FYCO1: variants seen among roughly 807,000 people sequenced by gnomAD.
The protein encoded by FYCO1 is FYVE and coiled-coil domain-containing protein 1.
A neutral mutation model predicts 165.1 loss-of-function variants in FYCO1; 122 were observed. The ratio of observed to expected loss-of-function variants is 0.74; its 90% CI spans 0.64 to 0.86. The LOEUF (loss-of-function observed/expected upper bound fraction) is 0.86. FYCO1 is among the 40% of genes least tolerant of loss of function. The probability of loss-of-function intolerance (pLI) is 0.00; values close to 1 mark genes in which losing one functional copy is unlikely to be tolerated. For synonymous variants in FYCO1, 648 were observed against 742.5 expected (o/e 0.87, Z 2.07); for missense variants, 1,702 against 1,810.3 (o/e 0.94, Z 1.09).
chr3:45,984,097 T>C (rs1707192782), intron 2 of FYCO1, among the ~76,000 whole-genome samples: 1 of 152,170 alleles, frequency 6.6e-6, no homozygotes, highest in African/African-American at 2.4e-5. Context: ...AGCTTCAGAC[T>C]GTGTAGTATC....
At position 45,962,653 on chromosome 3, in the gene FYCO1, T is replaced by C. The variant is rs1705772351; in HGVS notation, c.3270-261A>G. Among the ~76,000 whole-genome samples, 1 of 152,168 alleles carries C rather than the reference T, an allele frequency of 6.6e-6. No individual in the cohort carries two copies. Among genetic ancestry groups the C allele is most frequent in the South Asian group, 2.1e-4 (1 of 4,826 alleles). ...CTAAGTGAATAGAACTCTGCACCCC[T>C]TGGCTCCTGGACAGGGGCTGGGCTT... On this transcript the variant is annotated intron_variant, in intron 10 of 17. Coordinates refer to ENST00000296137, the MANE Select transcript of FYCO1 (RefSeq NM_024513.4). The surrounding 1 kb of genome is among the most constrained non-coding windows in gnomAD (Gnocchi z 4.4).
At chr3:45,954,333 A>G (rs1705196293) in intron 14 of FYCO1, among the ~76,000 whole-genome samples, 2 of 152,102 alleles carry the variant, frequency 1.3e-5, no homozygotes, top group Non-Finnish European at 2.9e-5. Flanking sequence ...AAAAGACTGG[A>G]CACCCCTGCT....
chr3:45,987,631 G>A (rs11130083), intron 1 of FYCO1, among the ~76,000 whole-genome samples: 4,017 of 152,324 alleles, frequency 0.026, 165 homozygotes, highest in African/African-American at 0.091. Flanking sequence ...TGCAGTCTCT[G>A]AGAGAAATAA....
chr3:45,935,080 G>A (rs1164561808), intron 15 of FYCO1, among the ~76,000 whole-genome samples: 2 of 152,120 alleles, frequency 1.3e-5, no homozygotes, highest in African/African-American at 4.8e-5. Flanking sequence ...GTCACCTGAG[G>A]ACTGGTGGAA....
intron 15 of FYCO1, among the ~76,000 whole-genome samples, chr3:45,935,869 C>T (rs1703861817): frequency 6.6e-6 from 1 of 152,180 alleles, no homozygotes; most frequent in Non-Finnish European, 1.5e-5. Context: ...TAATAAATAT[C>T]TGTGAATGAG....
intron 4 of FYCO1, among the ~76,000 whole-genome samples, chr3:45,977,380 TATATATATATATATATATATATATATAA>T (rs1298171824): frequency 3.8e-5 from 1 of 26,368 alleles, no homozygotes; most frequent in African/African-American, 1.1e-4. Context: ...TATATATATA[TATATATATATATATATATATATATATAA>T]AGGGAACTAT....
Position 45,920,869 on chromosome 3 carries a change from AG to A in FYCO1, c.*895del, listed in dbSNP as rs1303125681. The A allele has an allele frequency of 2.0e-5, 3 of 152,692 alleles. No individual in the cohort carries two copies. Among genetic ancestry groups the A allele is most frequent in the African/African-American group, 7.2e-5 (3 of 41,448 alleles). The allele number at this position is 152,692 out of a possible 1,614,324, so 9.5% of individuals were successfully genotyped here. ...AGAAGCTCTTATTTATATAAACAAA[AG>A]TGGGCCATCAGCTGAGGAGTAGCTC... On this transcript the variant is annotated 3_prime_UTR_variant, in exon 18 of 18. Coordinates refer to ENST00000296137, the MANE Select transcript of FYCO1 (RefSeq NM_024513.4).
intron 10 of FYCO1, among the ~76,000 whole-genome samples, chr3:45,963,681 C>G (rs1705828961): frequency 6.6e-6 from 1 of 152,252 alleles, no homozygotes; most frequent in African/African-American, 2.4e-5. Context: ...CCTGTTACAT[C>G]TTTTCTTAAT....
chr3:45,981,970 T>C (rs1247873250), intron 2 of FYCO1, among the ~76,000 whole-genome samples: 1 of 152,230 alleles, frequency 6.6e-6, no homozygotes. Context: ...CAACAAATGT[T>C]TGCTGTGTGG....
chr3:45,957,304 G>A (rs1250612203), intron 13 of FYCO1, among the ~76,000 whole-genome samples: 1 of 152,160 alleles, frequency 6.6e-6, no homozygotes, highest in Non-Finnish European at 1.5e-5. Context: ...ACTTCTAAGC[G>A]ACAACAGAAG....
In FYCO1 at chr3:45,936,321, G is replaced by A. The variant is rs1575333950; in HGVS notation, c.4040+127C>T. On this transcript the variant is annotated intron_variant, in intron 15 of 17. Transcript: ENST00000296137. ...TATATAAGCTATGCCTGAAAAAAAA[G>A]AATAAACGAAGCCCCACTGGTATTA... 6 of 549,592 alleles carry A rather than the reference G, an allele frequency of 1.1e-5. No homozygotes were observed. The South Asian group carries it at 1.3e-4, about 12-fold the overall frequency. 34.0% of individuals were successfully genotyped at this position (549,592 alleles called of 1,614,324 possible). A position where few individuals can be genotyped will look rare whatever the true frequency, so the allele number is the denominator to read the frequency against.
chr3:45,959,504 T>A lies in FYCO1; in HGVS notation c.3476A>T (p.Glu1159Val). The A allele has an allele frequency of 1.2e-6, 2 of 1,614,190 alleles. No individual in the cohort carries two copies. The highest frequency in any genetic ancestry group is 1.7e-6 in the Non-Finnish European group (2 of 1,180,034). The change falls in exon 12 of 18, where the codon GAA (glutamate) becomes GTA (valine). Residue 1159 changes from glutamate (E) to valine (V), a missense_variant. Glu to Val is a moderately radical substitution (Grantham distance 121). Transcript: ENST00000296137. ...CTCAGCACTGAGCTTCTGCTGGAAT[T>A]CCAGGGCATCTGACTTCTGCCAGAG... ...DALWQKSDAL[E>V]FQQKLSAEER...
In FYCO1 at chr3:45,921,420, C is replaced by T. The variant is rs1703086187; in HGVS notation, c.*345G>A. 5 of 355,214 alleles carry T rather than the reference C, an allele frequency of 1.4e-5. No homozygotes were observed. The highest frequency in any genetic ancestry group is 2.7e-5 in the Non-Finnish European group (5 of 182,966). 22.0% of individuals were successfully genotyped at this position (355,214 alleles called of 1,614,324 possible). A position where few individuals can be genotyped will look rare whatever the true frequency, so the allele number is the denominator to read the frequency against. On this transcript the variant is annotated 3_prime_UTR_variant, in exon 18 of 18. Transcript: ENST00000296137. ...CAGGCAGAAGTTGGAATCACCCCTG[C>T]CCGTGAAACTCTCCACAAGAGGCCT...
chr3:45,968,729 G>C, intron 7 of FYCO1, 26 bp from the exon 8 acceptor site: 1 of 1,614,102 alleles, frequency 6.2e-7, no homozygotes, highest in Non-Finnish European at 8.5e-7. Flanking sequence ...CAAAAGACAA[G>C]TGGCTTTAGG....
chr3:45,950,365 T>G (rs1175099753), intron 14 of FYCO1, among the ~76,000 whole-genome samples: 1 of 152,118 alleles, frequency 6.6e-6, no homozygotes, highest in Non-Finnish European at 1.5e-5. Context: ...GGCCACATCA[T>G]CTGAGATGTG....
At chr3:45,949,223 A>G (rs1034072544) in intron 14 of FYCO1, among the ~76,000 whole-genome samples, 1 of 152,154 alleles carries the variant, frequency 6.6e-6, no homozygotes, top group Non-Finnish European at 1.5e-5. Context: ...CTCAGGCCAC[A>G]TGGACCTCCG....
chr3:45,957,720 A>G (rs1334294492), intron 13 of FYCO1, among the ~76,000 whole-genome samples: 1 of 152,270 alleles, frequency 6.6e-6, no homozygotes, highest in Admixed American at 6.5e-5. Flanking sequence ...AATGGACAGT[A>G]TTTCTAAAGG....
intron 16 of FYCO1, 56 bp from the exon 17 acceptor site, chr3:45,923,821 A>T (rs1460138824): frequency 5.3e-6 from 6 of 1,138,188 alleles, no homozygotes; most frequent in Non-Finnish European, 8.0e-6. Flanking sequence ...GGCCCTCGGC[A>T]TCCTCAGGGA....
chr3:45,923,237 T>G (rs1467794516), intron 17 of FYCO1, among the ~76,000 whole-genome samples: 1 of 152,268 alleles, frequency 6.6e-6, no homozygotes, highest in East Asian at 1.9e-4. Flanking sequence ...TATTTCTCCC[T>G]TTCTCGTTCA....
Sources: allele counts gnomAD v4.1 joint callset (sites outside exome capture counted in the v4.1 genomes callset), GRCh38; gene constraint gnomAD v4.1.1; non-coding constraint Gnocchi (gnomAD v3.1); transcripts MANE v1.5; gene names NCBI Gene and HGNC (gene_info 2026-07-23, HGNC 2026-07-21).